Variants in POU2F3 observed in about 807,000 individuals in gnomAD.
POU2F3 encodes the protein POU domain, class 2, transcription factor 3.
POU2F3 carries 23 observed loss-of-function variants against 59.2 expected under a neutral mutation model. The observed-to-expected ratio is 0.39, with a 90% CI of 0.28 to 0.55. The LOEUF is 0.55. Ranked by LOEUF, POU2F3 falls within the 20% of genes least tolerant of loss-of-function variation. POU2F3 has a pLI of 0.66. For missense variants in POU2F3, 473 were observed against 544.5 expected (o/e 0.87, Z 1.31); for synonymous variants, 190 against 214.6 (o/e 0.89, Z 1.00).
chr11:120,292,359 AAAAAAC>A (rs150861606), intron 3 of POU2F3, among the ~76,000 whole-genome samples: 11,119 of 151,992 alleles, frequency 0.073, 458 homozygotes, highest in South Asian at 0.11. Flanking sequence ...TAAAAAACAA[AAAAAAC>A]AAAAACAAAA....
chr11:120,286,310 T>G (rs1003833275), intron 3 of POU2F3, among the ~76,000 whole-genome samples: 2 of 152,250 alleles, frequency 1.3e-5, no homozygotes, highest in Non-Finnish European at 2.9e-5. Context: ...TTGTTGCCTT[T>G]ACATGCATGT....
At chr11:120,311,229 T>C (rs937428854) in intron 10 of POU2F3, among the ~76,000 whole-genome samples, 5 of 152,216 alleles carry the variant, frequency 3.3e-5, no homozygotes, top group African/African-American at 1.2e-4. Flanking sequence ...GGGGAATCAC[T>C]GAAGGATTTT....
intron 3 of POU2F3, among the ~76,000 whole-genome samples, chr11:120,290,662 T>C (rs1940987292): frequency 6.6e-6 from 1 of 152,240 alleles, no homozygotes; most frequent in Non-Finnish European, 1.5e-5. Context: ...ACTTCCCTCA[T>C]TGAATTATCA....
At position 120,302,272 on chromosome 11, in the gene POU2F3, C is replaced by T. The variant is rs774408155; in HGVS notation, c.362-14C>T. 1.3e-6 allele frequency: 2 copies of T among 1,582,822 alleles called. No homozygotes were observed. The highest frequency in any genetic ancestry group is 2.2e-5 in the South Asian group (2 of 90,134). ...TTTATTTGTCTGTTCCTTTGTCCCT[C>T]CCCTTTCACCCAGGTCTGCAGCCAA... On this transcript the variant is annotated splice_polypyrimidine_tract_variant and intron_variant, in intron 5 of 12. Transcript: ENST00000543440.
intron 3 of POU2F3, among the ~76,000 whole-genome samples, chr11:120,295,088 G>A (rs1053558021): frequency 1.3e-5 from 2 of 152,174 alleles, no homozygotes; most frequent in African/African-American, 4.8e-5. Flanking sequence ...TTTACAACTG[G>A]GAGGTTGGGA....
chr11:120,298,391 G>T lies in POU2F3; in HGVS notation c.258+1G>T. The T allele has an allele frequency of 6.2e-7, 1 of 1,613,390 alleles. No individual in the cohort carries two copies. Among genetic ancestry groups the T allele is most frequent in the Non-Finnish European group, 8.5e-7 (1 of 1,179,800 alleles). ...TGGGCTAAATGCCAGCCCATGTCAG[G>T]TAACACTGTGATTTTCACAGTGGGC... On this transcript the variant is annotated splice_donor_variant, in intron 4 of 12. Transcript: ENST00000543440. LOFTEE classifies it high-confidence loss of function.
At chr11:120,296,316 A>G (rs1349027797) in intron 3 of POU2F3, among the ~76,000 whole-genome samples, 2 of 152,246 alleles carry the variant, frequency 1.3e-5, no homozygotes, top group African/African-American at 4.8e-5. Context: ...GAAAGGCACC[A>G]TATTTAGGAC....
rs968137530 is a variant in POU2F3, at chr11:120,252,809, T to C, written c.97+6292T>C. On this transcript the variant is annotated intron_variant, in intron 2 of 12. Coordinates refer to ENST00000543440, the MANE Select transcript of POU2F3 (RefSeq NM_014352.4). ...CTAGGGTAAGCAGAGGTGGCAGGAT[T>C]GTATGGTTCAGATGAGCCGTGAGGA... 7.2e-5 allele frequency among the ~76,000 whole-genome samples: 11 copies of C among 152,098 alleles called. No individual in the cohort carries two copies. The East Asian group carries it at 2.1e-3, about 29-fold the overall frequency.
intron 2 of POU2F3, among the ~76,000 whole-genome samples, chr11:120,264,287 G>C (rs962634023): frequency 3.3e-5 from 5 of 152,152 alleles, no homozygotes; most frequent in South Asian, 2.1e-4. Context: ...TGGAGGCTGA[G>C]GTAGGAGGAT....
At chr11:120,264,618 A>C (rs1394522943) in intron 2 of POU2F3, among the ~76,000 whole-genome samples, 1 of 152,326 alleles carries the variant, frequency 6.6e-6, no homozygotes, top group East Asian at 1.9e-4. Flanking sequence ...TCTGCAGTTT[A>C]GAAGCCTAGC....
At chr11:120,258,721 T>C (rs1418626488) in intron 2 of POU2F3, among the ~76,000 whole-genome samples, 4 of 152,240 alleles carry the variant, frequency 2.6e-5, no homozygotes, top group South Asian at 4.1e-4. Flanking sequence ...CCCCGTTCCT[T>C]GCAGCAGTGG....
rs566666160 is a variant in POU2F3, at chr11:120,285,528, C to T, written c.133-12737C>T. ...CATATGTTATGCTGCTGAATGCCTT[C>T]CTTAAACCAGTTATATACTTAATAC... On this transcript the variant is annotated intron_variant, in intron 3 of 12. Coordinates refer to ENST00000543440, the MANE Select transcript of POU2F3 (RefSeq NM_014352.4). This position sits in a 1 kb window ranked among gnomAD's most constrained non-coding sequence, Gnocchi z 4.3. Among the ~76,000 whole-genome samples, 59 of 152,284 alleles carry T rather than the reference C, an allele frequency of 3.9e-4. No individual in the cohort carries two copies. Among genetic ancestry groups the T allele is most frequent in the African/African-American group, 1.4e-3 (57 of 41,550 alleles).
chr11:120,267,133 C>CTT (rs539220664), intron 2 of POU2F3, among the ~76,000 whole-genome samples: 15 of 142,652 alleles, frequency 1.1e-4, no homozygotes, highest in African/African-American at 3.1e-4. Context: ...TAGCAGATCT[C>CTT]TTTTTTTTTT....
rs966463468 is a variant in POU2F3 at position 120,271,529 on chromosome 11, T to G, written c.132+2285T>G. On this transcript the variant is annotated intron_variant, in intron 3 of 12. Coordinates refer to ENST00000543440, the MANE Select transcript of POU2F3 (RefSeq NM_014352.4). ...GCCCACCTCTCCTGGCCCCAGCCCC[T>G]TGGGACAAGATGCACGGGGAGGAGC... is the stretch of plus-strand genomic sequence containing the variant. 2.0e-5 allele frequency among the ~76,000 whole-genome samples: 3 copies of G among 152,276 alleles called. No individual in the cohort carries two copies. In the East Asian group the frequency reaches 5.8e-4, roughly 29 times the overall value.
At chr11:120,236,659 C>CA (rs755366028), upstream of POU2F3, 4 of 1,495,540 alleles carry the variant, frequency 2.7e-6, no homozygotes, top group South Asian at 1.2e-5. Context: ...GCCCAGAGCT[C>CA]AAAAAACCGG....
chr11:120,309,982 G>A (rs567167096), intron 10 of POU2F3, among the ~76,000 whole-genome samples: 2 of 152,204 alleles, frequency 1.3e-5, no homozygotes, highest in South Asian at 4.1e-4. Flanking sequence ...GAGGAAGTCA[G>A]AGAGGAAACA....
chr11:120,272,961 G>A (rs1373845230), intron 3 of POU2F3, among the ~76,000 whole-genome samples: 1 of 152,158 alleles, frequency 6.6e-6, no homozygotes, highest in East Asian at 1.9e-4. Flanking sequence ...TGCTGTCTGA[G>A]GCCCCAAACA....
chr11:120,253,301 C>T (rs943990501), intron 2 of POU2F3, among the ~76,000 whole-genome samples: 3 of 151,776 alleles, frequency 2.0e-5, no homozygotes, highest in Non-Finnish European at 2.9e-5. Context: ...ACTCTGTCAC[C>T]CAGGCTGGAG....
intron 2 of POU2F3, among the ~76,000 whole-genome samples, chr11:120,267,582 A>G (rs1939880675): frequency 1.2e-5 from 1 of 81,526 alleles, no homozygotes; most frequent in Non-Finnish European, 2.1e-5. Context: ...CCTCATGACC[A>G]CACAGGAAAG....
Sources: gnomAD v4.1 joint callset for allele counts (sites outside exome capture counted in the v4.1 genomes callset) on GRCh38, gnomAD v4.1.1 for gene constraint, Gnocchi (gnomAD v3.1) non-coding constraint, MANE v1.5 for transcripts, NCBI Gene and HGNC (gene_info 2026-07-23, HGNC 2026-07-21) for gene names.